The following SLCO1B1 variants were observed in gnomAD, a reference collection of about 807,000 sequenced individuals.
SLCO1B1 encodes the protein solute carrier organic anion transporter family member 1B1.
SLCO1B1 carries 81 observed loss-of-function variants against 70.1 expected under a neutral mutation model. The observed-to-expected ratio is 1.16, with a 90% CI of 0.97 to 1.39. The LOEUF (loss-of-function observed/expected upper bound fraction) is 1.39, where lower values mean the gene tolerates loss of function less well. Ranked by LOEUF, SLCO1B1 falls within the 40% of genes most tolerant of loss-of-function variation. The pLI, the probability that SLCO1B1 is intolerant of heterozygous loss-of-function variation, is 0.00. For missense variants in SLCO1B1, 895 were observed against 799.6 expected, an observed-to-expected ratio of 1.12 and a Z score of -1.44; for synonymous variants, 283 against 271.5, an observed-to-expected ratio of 1.04 and a Z score of -0.42.
chr12:21,137,758 A>C (rs1052601678), intron 1 of SLCO1B1, among the ~76,000 whole-genome samples: 1 of 152,226 alleles, frequency 6.6e-6, no homozygotes, highest in Non-Finnish European at 1.5e-5. Context: ...TGACTAGGAA[A>C]GGGAATTCCC....
chr12:21,190,377 A>G (rs951550833), intron 7 of SLCO1B1, among the ~76,000 whole-genome samples: 2 of 152,064 alleles, frequency 1.3e-5, no homozygotes, highest in African/African-American at 4.8e-5. Context: ...GCAGTCCCCT[A>G]GCCACTCTTT....
rs76564812 is a variant in SLCO1B1, at chr12:21,222,592, A to T, written c.1747+228A>T. Among the ~76,000 whole-genome samples, 1,175 of 151,628 alleles carry T rather than the reference A, an allele frequency of 7.7e-3. 14 individuals are homozygous for T. Among genetic ancestry groups the T allele is most frequent in the African/African-American group, 0.026 (1,096 of 41,452 alleles). ...AGAGTAAAATTGAGTGATGGACCTAAAGGAGAATTCGATTGTTAATTATAC... is the reference window on the plus strand; with the variant it reads ...AGAGTAAAATTGAGTGATGGACCTATAGGAGAATTCGATTGTTAATTATAC... On this transcript the variant is annotated intron_variant, in intron 13 of 14. Coordinates refer to ENST00000256958, the MANE Select transcript of SLCO1B1 (RefSeq NM_006446.5).
chr12:21,209,348 G>A (rs1401170954), intron 11 of SLCO1B1, among the ~76,000 whole-genome samples: 7 of 151,900 alleles, frequency 4.6e-5, no homozygotes, highest in Admixed American at 2.0e-4. Context: ...TGAGAATGAT[G>A]TTTTCCAGTT....
At position 21,217,106 on chromosome 12, in the gene SLCO1B1, C is replaced by T. The variant is rs976326347; in HGVS notation, c.1498-13C>T. ...CAAATTTCTTATGTCATATTTTATA[C>T]ACAACGCTTAAGGTGTTTTACAACT... On this transcript the variant is annotated splice_polypyrimidine_tract_variant and intron_variant, in intron 11 of 14. Transcript: ENST00000256958. 6 of 1,609,248 alleles carry T rather than the reference C, an allele frequency of 3.7e-6. No homozygotes were observed. The highest frequency in any genetic ancestry group is 5.1e-6 in the Non-Finnish European group (6 of 1,176,854).
intron 12 of SLCO1B1, among the ~76,000 whole-genome samples, chr12:21,221,422 G>A (rs1183430811): frequency 6.6e-6 from 1 of 151,864 alleles, no homozygotes; most frequent in African/African-American, 2.4e-5. Flanking sequence ...TAGACTAATG[G>A]GACTTAAACT....
intron 1 of SLCO1B1, among the ~76,000 whole-genome samples, chr12:21,133,506 A>C (rs1002745003): frequency 1.4e-4 from 21 of 151,884 alleles, no homozygotes; most frequent in Admixed American, 5.9e-4. Flanking sequence ...CTTTTATTTC[A>C]TTGAGCAGTG....
chr12:21,217,432 T>A lies in SLCO1B1; in HGVS notation c.1682+129T>A, dbSNP rs745469626. ...CATCAAATTTTAATTTTCTGAGAAT[T>A]CATTTTATTAAAATTACTATGAACT... On this transcript the variant is annotated intron_variant, in intron 12 of 14. Coordinates refer to ENST00000256958, the MANE Select transcript of SLCO1B1 (RefSeq NM_006446.5). The A allele has an allele frequency of 3.0e-4, 237 of 801,664 alleles. 4 individuals are homozygous for A. The highest frequency in any genetic ancestry group is 4.3e-4 in the Non-Finnish European group (211 of 494,680). 49.7% of individuals were successfully genotyped at this position (801,664 alleles called of 1,614,324 possible).
At chr12:21,148,389 G>T (rs947760180) in intron 2 of SLCO1B1, among the ~76,000 whole-genome samples, 2 of 151,878 alleles carry the variant, frequency 1.3e-5, no homozygotes, top group Admixed American at 1.3e-4. Context: ...TTTTGAATAA[G>T]GTGTAAGAAA....
intron 1 of SLCO1B1, among the ~76,000 whole-genome samples, chr12:21,137,841 T>C (rs1940249158): frequency 6.6e-6 from 1 of 152,210 alleles, no homozygotes; most frequent in African/African-American, 2.4e-5. Flanking sequence ...CTTCACCCAC[T>C]GTCCTGCACC....
At chr12:21,229,807 G>A (rs190805889) in intron 14 of SLCO1B1, among the ~76,000 whole-genome samples, 25 of 152,194 alleles carry the variant, frequency 1.6e-4, no homozygotes, top group Admixed American at 1.3e-3. Context: ...ATGTCATATT[G>A]CAAACAAAGA....
At chr12:21,222,397 A>AAAAAAAATATATAT (rs1555097342) in intron 13 of SLCO1B1, 33 bp downstream of exon 13, 4 of 97,740 alleles carry the variant, frequency 4.1e-5, no homozygotes, top group Non-Finnish European at 7.0e-5. Context: ...AAAAAAAAAA[A>AAAAAAAATATATAT]ATATATATAT....
intron 7 of SLCO1B1, among the ~76,000 whole-genome samples, chr12:21,186,535 C>T (rs1386034343): frequency 6.6e-6 from 1 of 152,022 alleles, no homozygotes; most frequent in Non-Finnish European, 1.5e-5. Flanking sequence ...GCTGAAACTG[C>T]TCCTAAGAAA....
chr12:21,235,066 T>C (rs1053707690), intron 14 of SLCO1B1, among the ~76,000 whole-genome samples: 9 of 151,162 alleles, frequency 6.0e-5, no homozygotes, highest in Admixed American at 4.0e-4. Context: ...TGGTAAAGAG[T>C]CTACTTCAAG....
chr12:21,134,085 G>A (rs1319617470), intron 1 of SLCO1B1, among the ~76,000 whole-genome samples: 2 of 152,172 alleles, frequency 1.3e-5, no homozygotes, highest in Non-Finnish European at 2.9e-5. Flanking sequence ...CATCTATTGA[G>A]ATGATCATGT....
At chr12:21,206,073 C>T (rs1941212420) in intron 11 of SLCO1B1, 40 bp downstream of exon 11, 1 of 1,536,762 alleles carries the variant, frequency 6.5e-7, no homozygotes, top group Non-Finnish European at 9.0e-7. Context: ...TATTCAAAAG[C>T]ACAGATTAGA....
chr12:21,189,289 C>T (rs1248975843), intron 7 of SLCO1B1, among the ~76,000 whole-genome samples: 1 of 152,072 alleles, frequency 6.6e-6, no homozygotes, highest in Non-Finnish European at 1.5e-5. Context: ...TAAATGATAG[C>T]CATTCTACAG....
intron 11 of SLCO1B1, among the ~76,000 whole-genome samples, chr12:21,211,313 G>A (rs1226083171): frequency 6.6e-6 from 1 of 152,208 alleles, no homozygotes; most frequent in African/African-American, 2.4e-5. Flanking sequence ...CATCTATTGA[G>A]ATAATCATGT....
chr12:21,183,710 A>T (rs1484909693), intron 7 of SLCO1B1, among the ~76,000 whole-genome samples: 1 of 152,124 alleles, frequency 6.6e-6, no homozygotes, highest in African/African-American at 2.4e-5. Flanking sequence ...TAACCTTCAA[A>T]TGGGTGCATT....
At chr12:21,175,668 C>T (rs1294481241) in intron 4 of SLCO1B1, among the ~76,000 whole-genome samples, 3 of 152,086 alleles carry the variant, frequency 2.0e-5, no homozygotes, top group Non-Finnish European at 4.4e-5. Context: ...AGTGGTACTG[C>T]TCTAGCTTGT....
Sources: allele counts gnomAD v4.1 joint callset (sites outside exome capture counted in the v4.1 genomes callset), GRCh38; gene constraint gnomAD v4.1.1; transcripts MANE v1.5; gene names NCBI Gene and HGNC (gene_info 2026-07-23, HGNC 2026-07-21).